TOX: variants seen among roughly 807,000 people sequenced by gnomAD.
TOX encodes the protein thymocyte selection associated high mobility group box.
TOX carries 11 observed loss-of-function variants against 53.7 expected under a neutral mutation model. That is an observed-to-expected ratio of 0.20 (90% CI 0.13 to 0.34). TOX has a LOEUF of 0.34. Among genes scored for constraint, TOX ranks in the 10% least tolerant of loss-of-function variants. The pLI is 1.00. For synonymous variants in TOX, 225 were observed against 245.3 expected (o/e 0.92, Z 0.77); for missense variants, 570 against 664.6 (o/e 0.86, Z 1.56).
At chr8:58,949,823 T>C (rs946886218) in intron 2 of TOX, among the ~76,000 whole-genome samples, 4 of 151,028 alleles carry the variant, frequency 2.6e-5, no homozygotes, top group Non-Finnish European at 5.9e-5. Context: ...TCTTTCTATA[T>C]GTATATAAAA....
chr8:58,975,129 G>A, intron 1 of TOX, among the ~76,000 whole-genome samples: 1 of 151,516 alleles, frequency 6.6e-6, no homozygotes, highest in Non-Finnish European at 1.5e-5. Flanking sequence ...TTACCTATAT[G>A]TAGATTTTAC....
At chr8:59,087,386 T>C (rs1804530975) in intron 1 of TOX, among the ~76,000 whole-genome samples, 1 of 152,114 alleles carries the variant, frequency 6.6e-6, no homozygotes, top group Admixed American at 6.5e-5. Flanking sequence ...TGGAGAAAAA[T>C]ATAGCTAATC....
At chr8:59,011,368 G>A (rs1482426048) in intron 1 of TOX, among the ~76,000 whole-genome samples, 2 of 152,140 alleles carry the variant, frequency 1.3e-5, no homozygotes, top group Admixed American at 1.3e-4. Context: ...GCCCTACCCA[G>A]GAAAGGCTGC....
At chr8:59,086,435 T>C (rs1804510794) in intron 1 of TOX, among the ~76,000 whole-genome samples, 1 of 152,216 alleles carries the variant, frequency 6.6e-6, no homozygotes. Flanking sequence ...ATAAGTTTGC[T>C]TCCATTTCTC....
chr8:59,028,088 T>C (rs73684809), intron 1 of TOX, among the ~76,000 whole-genome samples: 1 of 152,330 alleles, frequency 6.6e-6, no homozygotes, highest in African/African-American at 2.4e-5. Flanking sequence ...TTGTATCTGT[T>C]ACCACGAATT....
At chr8:58,961,936 A>G (rs1204475568) in intron 1 of TOX, among the ~76,000 whole-genome samples, 1 of 152,226 alleles carries the variant, frequency 6.6e-6, no homozygotes, top group African/African-American at 2.4e-5. Context: ...GTTGGAGTAC[A>G]CTGGTTTGTT....
At chr8:58,975,887 C>T (rs576330744) in intron 1 of TOX, among the ~76,000 whole-genome samples, 117 of 152,248 alleles carry the variant, frequency 7.7e-4, no homozygotes, top group Non-Finnish European at 1.3e-3. Context: ...TCCTGGCCAA[C>T]ATGGTGAAAC....
chr8:58,883,685 T>C (rs1811422399), intron 3 of TOX, among the ~76,000 whole-genome samples: 1 of 152,156 alleles, frequency 6.6e-6, no homozygotes, highest in African/African-American at 2.4e-5. Context: ...GTGGACAAAG[T>C]ATGGAATGTA....
intron 1 of TOX, among the ~76,000 whole-genome samples, chr8:59,034,165 C>T (rs1049234534): frequency 3.9e-5 from 6 of 152,180 alleles, no homozygotes; most frequent in Non-Finnish European, 7.3e-5. Flanking sequence ...TTGCTTATCC[C>T]GTGCAGTTTG....
In TOX at chr8:58,884,060, C is replaced by G. The variant is rs1168824466; in HGVS notation, c.412-32255G>C. On this transcript the variant is annotated intron_variant, in intron 3 of 8. Coordinates refer to ENST00000361421, the MANE Select transcript of TOX (RefSeq NM_014729.3). Reference sequence around the variant, plus strand: ...GGTAATTTCTATTTTCGTCAAACCACCAGGGTCCAGCTGAGGCTTCAAGCA... The same window carrying G: ...GGTAATTTCTATTTTCGTCAAACCAGCAGGGTCCAGCTGAGGCTTCAAGCA... Among the ~76,000 whole-genome samples the G allele has an allele frequency of 3.3e-5, 5 of 152,052 alleles. No homozygotes were observed. In the South Asian group the frequency reaches 1.0e-3, roughly 32 times the overall value.
chr8:58,894,756 C>A (rs1466998778), intron 3 of TOX, among the ~76,000 whole-genome samples: 3 of 151,960 alleles, frequency 2.0e-5, no homozygotes, highest in African/African-American at 7.3e-5. Context: ...ATTAGCCAGG[C>A]CTGGTGGCTG....
At position 58,855,392 on chromosome 8, in the gene TOX, CTG is replaced by C. The variant is rs543164176; in HGVS notation, c.412-3589_412-3588del. 3.9e-5 allele frequency among the ~76,000 whole-genome samples: 6 copies of C among 152,158 alleles called. No homozygotes were observed. In the South Asian group the frequency reaches 1.2e-3, roughly 32 times the overall value. On this transcript the variant is annotated intron_variant, in intron 3 of 8. Transcript: ENST00000361421. ...TTTCTTTCTCAAATCTATTTTTTTT[CTG>C]TCTGACCAATATCTGTTGATGACAC...
intron 1 of TOX, among the ~76,000 whole-genome samples, chr8:59,038,900 C>T (rs1429513279): frequency 6.6e-6 from 1 of 152,224 alleles, no homozygotes; most frequent in Non-Finnish European, 1.5e-5. Context: ...TGCAGCCTGC[C>T]CCGCGATGCG....
intron 1 of TOX, among the ~76,000 whole-genome samples, chr8:59,027,408 G>C (rs2129419795): frequency 6.6e-6 from 1 of 151,736 alleles, no homozygotes; most frequent in Middle Eastern, 3.4e-3. Flanking sequence ...CTTTGTTTCT[G>C]TGTTAGTCAC....
chr8:59,104,324 T>C (rs1364211335), intron 1 of TOX, among the ~76,000 whole-genome samples: 1 of 151,982 alleles, frequency 6.6e-6, no homozygotes, highest in Non-Finnish European at 1.5e-5. Context: ...CCCCTCCCGG[T>C]TTGCCATGCC....
intron 3 of TOX, among the ~76,000 whole-genome samples, chr8:58,938,472 A>T (rs1203170178): frequency 6.6e-6 from 1 of 152,200 alleles, no homozygotes; most frequent in Non-Finnish European, 1.5e-5. Context: ...GTTTTATGAC[A>T]TGGTCTAAAG....
At chr8:58,884,213 C>T (rs1320732038) in intron 3 of TOX, among the ~76,000 whole-genome samples, 1 of 152,058 alleles carries the variant, frequency 6.6e-6, no homozygotes, top group Non-Finnish European at 1.5e-5. Flanking sequence ...AATTTTGAAG[C>T]TTTAAGCTTT....
At chr8:58,821,001 T>C (rs757827189) in intron 6 of TOX, among the ~76,000 whole-genome samples, 2 of 152,190 alleles carry the variant, frequency 1.3e-5, no homozygotes, top group Non-Finnish European at 2.9e-5. Flanking sequence ...TCCAACCCCA[T>C]ATGACCTTCA....
chr8:58,881,761 G>C (rs1025767891), intron 3 of TOX, among the ~76,000 whole-genome samples: 5 of 149,798 alleles, frequency 3.3e-5, no homozygotes, highest in African/African-American at 7.4e-5. Context: ...GAGGCTAAGA[G>C]CTTAAAGTCT....
Sources: allele counts gnomAD v4.1 joint callset (sites outside exome capture counted in the v4.1 genomes callset), GRCh38; gene constraint gnomAD v4.1.1; transcripts MANE v1.5; gene names NCBI Gene and HGNC (gene_info 2026-07-23, HGNC 2026-07-21).